The following CFI variants were observed in gnomAD, a reference collection of about 807,000 sequenced individuals.
CFI encodes the protein C3B/C4B inactivator.
A neutral mutation model predicts 78.8 loss-of-function variants in CFI; 66 were observed. The observed-to-expected ratio is 0.84, with a 90% CI of 0.69 to 1.03. CFI has a LOEUF of 1.03. Among genes scored for constraint, CFI ranks in the 50% least tolerant of loss-of-function variants. The pLI is 0.00. For synonymous variants in CFI, 250 were observed against 232.6 expected (o/e 1.07, Z -0.68); for missense variants, 706 against 704.5 (o/e 1.00, Z -0.02).
Position 109,766,594 on chromosome 4 carries a change from T to C in CFI, c.288A>G (p.Pro96=), listed in dbSNP as rs369053205. The C allele has an allele frequency of 6.2e-5, 100 of 1,614,234 alleles. No individual in the cohort carries two copies. In the African/African-American group the frequency reaches 7.1e-4, roughly 11 times the overall value. Residue 96 remains proline, a synonymous_variant, in exon 2 of 13, where the codon CCA becomes CCG. Transcript: ENST00000394634. ...TTCCGTTATTTAAAAACTTTGTCCCTGGATGAAGACATTCCAAACTCTTTT... is the reference window on the plus strand; with the variant it reads ...TTCCGTTATTTAAAAACTTTGTCCCCGGATGAAGACATTCCAAACTCTTTT... The part of the protein sequence containing the change: ...CQQKSLECLH[P]GTKFLNNGTC...
chr4:109,780,563 T>C (rs1265806266), intron 1 of CFI, among the ~76,000 whole-genome samples: 2 of 152,192 alleles, frequency 1.3e-5, no homozygotes, highest in East Asian at 1.9e-4. Context: ...TATAAAGTAG[T>C]TCAACCATTG....
intron 4 of CFI, among the ~76,000 whole-genome samples, 175 bp from the exon 5 acceptor site, chr4:109,760,811 A>G (rs1193150876): frequency 6.6e-6 from 1 of 152,226 alleles, no homozygotes; most frequent in Admixed American, 6.5e-5. Context: ...ATAAAGGTCA[A>G]ACCTGGCTTA....
chr4:109,757,433 G>T (rs1231529255), intron 7 of CFI, among the ~76,000 whole-genome samples: 3 of 152,162 alleles, frequency 2.0e-5, no homozygotes, highest in Non-Finnish European at 2.9e-5. Flanking sequence ...ATCATGAAAA[G>T]ATGTTATCTT....
At chr4:109,761,046 G>A (rs567283269) in intron 4 of CFI, among the ~76,000 whole-genome samples, 3 of 152,142 alleles carry the variant, frequency 2.0e-5, no homozygotes, top group Non-Finnish European at 4.4e-5. Flanking sequence ...AAAAGGAGTG[G>A]GTATAGGTTT....
chr4:109,775,717 C>G (rs924366579), intron 1 of CFI, among the ~76,000 whole-genome samples: 5 of 152,180 alleles, frequency 3.3e-5, no homozygotes, highest in African/African-American at 9.6e-5. Context: ...TTCATGACCC[C>G]CGAGTAGCCT....
chr4:109,795,287 A>G (rs1731919245), intron 1 of CFI, among the ~76,000 whole-genome samples: 1 of 152,116 alleles, frequency 6.6e-6, no homozygotes, highest in South Asian at 2.1e-4. Context: ...AGGCCCACCC[A>G]CACATGGTCT....
intron 1 of CFI, among the ~76,000 whole-genome samples, chr4:109,780,516 T>C (rs1326598900): frequency 6.6e-6 from 1 of 152,072 alleles, no homozygotes; most frequent in African/African-American, 2.4e-5. Context: ...GGAGAGGATA[T>C]GGAGAAATAG....
rs75168992 is a variant in CFI, at chr4:109,764,806, C to G, written c.329-116G>C. On this transcript the variant is annotated intron_variant, in intron 2 of 12. Transcript: ENST00000394634. Reference sequence around the variant, plus strand: ...GTCAAGTGAGCTTTGAACATCATGACGATTTTAACAAGTAATAGTAAGCAA... The same window carrying G: ...GTCAAGTGAGCTTTGAACATCATGAGGATTTTAACAAGTAATAGTAAGCAA... 0.01 allele frequency: 9,832 copies of G among 951,698 alleles called. 396 individuals carry two copies. The East Asian group carries it at 0.11, about 11-fold the overall frequency. The allele number at this position is 951,698 out of a possible 1,614,324, so 59.0% of individuals were successfully genotyped here. A position where few individuals can be genotyped will look rare whatever the true frequency, so the allele number is the denominator to read the frequency against.
At chr4:109,757,833 A>C (rs763617078) in intron 6 of CFI, 50 bp from the exon 7 acceptor site, 12 of 1,378,992 alleles carry the variant, frequency 8.7e-6, no homozygotes, top group Middle Eastern at 1.8e-4. Context: ...TTTTGGAAAA[A>C]ATGCACACTA....
chr4:109,764,704 AC>A lies in CFI; in HGVS notation c.329-15del, dbSNP rs1465612510. The A allele has an allele frequency of 6.2e-7, 1 of 1,610,684 alleles. No homozygotes were observed. Among genetic ancestry groups the A allele is most frequent in the South Asian group, 1.1e-5 (1 of 90,984 alleles). ...CACTAAACTTTCCTAAAATAAAAAA[AC>A]AAAATAATGTGCAATATGTAGCCAT... On this transcript the variant is annotated splice_polypyrimidine_tract_variant and intron_variant, in intron 2 of 12. Transcript: ENST00000394634.
chr4:109,764,987 A>T (rs1727553255), intron 2 of CFI, among the ~76,000 whole-genome samples: 1 of 152,198 alleles, frequency 6.6e-6, no homozygotes, highest in South Asian at 2.1e-4. Context: ...GGCCCAAGTG[A>T]TGAAGCCAGG....
intron 1 of CFI, among the ~76,000 whole-genome samples, chr4:109,773,777 G>A (rs1728880608): frequency 6.6e-6 from 1 of 152,174 alleles, no homozygotes; most frequent in Non-Finnish European, 1.5e-5. Flanking sequence ...TCCTGACTGT[G>A]GCCCCAGACT....
At chr4:109,786,053 A>C (rs1412404715) in intron 1 of CFI, among the ~76,000 whole-genome samples, 2 of 151,782 alleles carry the variant, frequency 1.3e-5, no homozygotes, top group South Asian at 4.2e-4. Context: ...AAAAAAAAAC[A>C]AAAAAAACCA....
intron 7 of CFI, among the ~76,000 whole-genome samples, chr4:109,754,494 C>T (rs1230093482): frequency 6.6e-6 from 1 of 150,794 alleles, no homozygotes; most frequent in African/African-American, 2.4e-5. Context: ...TTTGCTCTGC[C>T]ATTCTAGAAC....
intron 1 of CFI, among the ~76,000 whole-genome samples, chr4:109,778,296 G>A (rs2125839660): frequency 6.6e-6 from 1 of 152,120 alleles, no homozygotes; most frequent in Non-Finnish European, 1.5e-5. Context: ...TGATAAAGGG[G>A]ATATCACCAC....
intron 1 of CFI, among the ~76,000 whole-genome samples, chr4:109,792,120 G>A (rs748146390): frequency 8.5e-5 from 13 of 152,126 alleles, no homozygotes; most frequent in South Asian, 4.2e-4. Flanking sequence ...TTCCATGTGC[G>A]CTTGAGAAAA....
At chr4:109,782,922 T>C (rs1227506997) in intron 1 of CFI, among the ~76,000 whole-genome samples, 1 of 152,054 alleles carries the variant, frequency 6.6e-6, no homozygotes. Context: ...AAACATAAAG[T>C]GGCGAAAGGA....
chr4:109,756,941 GAAAGAAAGAAAGAAAGAAAGAAAGAAAGA>G (rs1726334627), intron 7 of CFI, among the ~76,000 whole-genome samples: 1 of 147,938 alleles, frequency 6.8e-6, no homozygotes, highest in Non-Finnish European at 1.5e-5. Context: ...AAGAAAGAAA[GAAAGAAAGAAAGAAAGAAAGAAAGAAAGA>G]AAGAAAGAAA....
Position 109,780,967 on chromosome 4 carries a change from G to A in CFI, c.58-14143C>T, listed in dbSNP as rs951028445. 2.6e-5 allele frequency among the ~76,000 whole-genome samples: 4 copies of A among 152,122 alleles called. No homozygotes were observed. The East Asian group carries it at 7.7e-4, about 29-fold the overall frequency. On this transcript the variant is annotated intron_variant, in intron 1 of 12. Transcript: ENST00000394634. ...AACAATGAAAACACTTGGACACAGG[G>A]TGGGGAACATCACACACTGGGGCCT...
Sources: allele counts gnomAD v4.1 joint callset (sites outside exome capture counted in the v4.1 genomes callset), GRCh38; gene constraint gnomAD v4.1.1; transcripts MANE v1.5; gene names NCBI Gene and HGNC (gene_info 2026-07-23, HGNC 2026-07-21).